BAZ1A: variants seen among roughly 807,000 people sequenced by gnomAD.
BAZ1A encodes bromodomain adjacent to zinc finger domain 1A, also known as bromodomain adjacent to zinc finger domain protein 1A.
Under a neutral mutation model 185.2 loss-of-function variants are expected in BAZ1A, and 50 were observed. The ratio of observed to expected loss-of-function variants is 0.27; its 90% CI spans 0.22 to 0.34. The LOEUF (loss-of-function observed/expected upper bound fraction) is 0.34, where lower values mean the gene tolerates loss of function less well. BAZ1A is among the 10% of genes least tolerant of loss of function. The pLI is 1.00. For synonymous variants in BAZ1A, 571 were observed against 615.6 expected, an observed-to-expected ratio of 0.93 and a Z score of 1.07; for missense variants, 1,356 against 1,839.9, an observed-to-expected ratio of 0.74 and a Z score of 4.81.
At chr14:34,844,373 T>C (rs1409880782) in intron 3 of BAZ1A, among the ~76,000 whole-genome samples, 3 of 152,098 alleles carry the variant, frequency 2.0e-5, no homozygotes, top group Non-Finnish European at 4.4e-5. Context: ...TGAAAGAAAT[T>C]GAAGACACAA....
chr14:34,783,449 C>G (rs1420058126), intron 15 of BAZ1A, among the ~76,000 whole-genome samples: 2 of 147,074 alleles, frequency 1.4e-5, no homozygotes, highest in African/African-American at 5.1e-5. Context: ...GATTCTCGTG[C>G]CTCAACCTCC....
rs143555906 is a variant in BAZ1A at position 34,780,283 on chromosome 14, A to G, written c.2139T>C (p.Thr713=). 197 of 1,612,722 alleles carry G rather than the reference A, an allele frequency of 1.2e-4. No individual in the cohort carries two copies. In the Middle Eastern group the frequency reaches 1.5e-3, roughly 12 times the overall value. Residue 713 remains threonine (T), a synonymous_variant, in exon 17 of 27, where the codon ACT becomes ACC. Coordinates refer to ENST00000360310, the MANE Select transcript of BAZ1A (RefSeq NM_013448.3). Reference sequence around the variant, plus strand: ...GCTCTGTGTCTTTGCTCTCAATGCTAGTATCAAAATCTTCCCTTTCTTCCT... The same window carrying G: ...GCTCTGTGTCTTTGCTCTCAATGCTGGTATCAAAATCTTCCCTTTCTTCCT... ...IGEEEREDFD[T]SIESKDTEQK... is the part of the protein sequence containing the mutation.
chr14:34,847,114 G>A (rs981350439), intron 3 of BAZ1A, among the ~76,000 whole-genome samples: 8 of 152,028 alleles, frequency 5.3e-5, no homozygotes, highest in South Asian at 4.1e-4. Flanking sequence ...GGCTGGACAC[G>A]GTGGCGCATG....
At chr14:34,774,554 G>T in intron 18 of BAZ1A, 64 bp from the exon 19 acceptor site, 1 of 1,368,888 alleles carries the variant, frequency 7.3e-7, no homozygotes, top group South Asian at 1.6e-5. Flanking sequence ...TACTCCATGT[G>T]GCTGTTATGA....
At chr14:34,844,423 T>A (rs1410597386) in intron 3 of BAZ1A, among the ~76,000 whole-genome samples, 1 of 152,042 alleles carries the variant, frequency 6.6e-6, no homozygotes, top group Non-Finnish European at 1.5e-5. Flanking sequence ...GAAGAGTTAA[T>A]ATTGTTAAAA....
Position 34,786,186 on chromosome 14 carries a change from T to C in BAZ1A, c.1546A>G (p.Thr516Ala). ...TEALDEDADPTKSALSAVASL... is the reference protein window; with the variant it reads ...TEALDEDADPAKSALSAVASL... ...GCAACTGCAGACAGTGCAGATTTTG[T>C]GGGGTCTGCATCTTCATCCAAAGCC... The change falls in exon 13 of 27, where the codon ACA (threonine) becomes GCA (alanine). Residue 516 changes from threonine (T) to alanine (A), a missense_variant. Transcript: ENST00000360310. 1 of 1,613,876 alleles carries C rather than the reference T, an allele frequency of 6.2e-7. No individual in the cohort carries two copies. Among genetic ancestry groups the C allele is most frequent in the Non-Finnish European group, 8.5e-7 (1 of 1,179,950 alleles).
At chr14:34,869,366 G>T (rs2042916598) in intron 2 of BAZ1A, among the ~76,000 whole-genome samples, 1 of 152,138 alleles carries the variant, frequency 6.6e-6, no homozygotes, top group South Asian at 2.1e-4. Context: ...GTATGGTAGA[G>T]AAACAATGTC....
intron 2 of BAZ1A, among the ~76,000 whole-genome samples, chr14:34,866,808 A>G (rs2042868431): frequency 6.6e-6 from 1 of 152,128 alleles, no homozygotes; most frequent in South Asian, 2.1e-4. Context: ...GCTAGTAGAA[A>G]TAGAATGGTT....
At chr14:34,856,419 G>T (rs1206526652) in intron 3 of BAZ1A, among the ~76,000 whole-genome samples, 1 of 151,714 alleles carries the variant, frequency 6.6e-6, no homozygotes, top group Non-Finnish European at 1.5e-5. Context: ...GAGTAGCTAG[G>T]ACTACAGGCA....
intron 3 of BAZ1A, among the ~76,000 whole-genome samples, chr14:34,829,430 T>C (rs1339784764): frequency 1.3e-5 from 2 of 152,108 alleles, no homozygotes; most frequent in African/African-American, 4.8e-5. Context: ...AAAAAGACCA[T>C]TTCATTGGCC....
At chr14:34,838,671 T>G (rs977107598) in intron 3 of BAZ1A, among the ~76,000 whole-genome samples, 4 of 151,782 alleles carry the variant, frequency 2.6e-5, no homozygotes, top group African/African-American at 9.7e-5. Context: ...ATTACAGGCG[T>G]CCACCTCCAC....
At chr14:34,823,187 C>G (rs1178551554) in intron 4 of BAZ1A, among the ~76,000 whole-genome samples, 1 of 151,480 alleles carries the variant, frequency 6.6e-6, no homozygotes, top group African/African-American at 2.4e-5. Context: ...AACCCACTCT[C>G]TACTAAAAAA....
At chr14:34,765,873 A>G (rs1485675654) in intron 21 of BAZ1A, among the ~76,000 whole-genome samples, 1 of 152,226 alleles carries the variant, frequency 6.6e-6, no homozygotes, top group Non-Finnish European at 1.5e-5. Context: ...TAGTCATTTT[A>G]TACTGGTGTG....
chr14:34,811,334 C>A (rs1036313111), intron 4 of BAZ1A, among the ~76,000 whole-genome samples: 1 of 152,180 alleles, frequency 6.6e-6, no homozygotes, highest in South Asian at 2.1e-4. Context: ...GTAGAGGTAG[C>A]GTTTCACCAT....
At chr14:34,861,792 C>T (rs563628739) in intron 3 of BAZ1A, among the ~76,000 whole-genome samples, 6 of 152,144 alleles carry the variant, frequency 3.9e-5, no homozygotes, top group South Asian at 2.1e-4. Flanking sequence ...AATTTGTGCA[C>T]GTTTGTTACA....
rs1273086001 is a variant in BAZ1A, at chr14:34,875,227, C to T, written c.-148G>A. 2 of 452,124 alleles carry T rather than the reference C, an allele frequency of 4.4e-6. No homozygotes were observed. Among genetic ancestry groups the T allele is most frequent in the Non-Finnish European group, 8.9e-6 (2 of 225,410 alleles). The allele number at this position is 452,124 out of a possible 1,614,324, so 28.0% of individuals were successfully genotyped here. A position where few individuals can be genotyped will look rare whatever the true frequency, so the allele number is the denominator to read the frequency against. On this transcript the variant is annotated 5_prime_UTR_variant, in exon 1 of 27. Coordinates refer to ENST00000360310, the MANE Select transcript of BAZ1A (RefSeq NM_013448.3). ...GTCCTCCCAGGGGACCGCCTCTCTCCGGCCCCGCCGCGCCCCTGGCTGCCG... is the reference window on the plus strand; with the variant it reads ...GTCCTCCCAGGGGACCGCCTCTCTCTGGCCCCGCCGCGCCCCTGGCTGCCG...
In BAZ1A at chr14:34,758,787, A is replaced by G. The variant is rs940482755; in HGVS notation, c.4303T>C (p.Leu1435=). The stretch of plus-strand genomic sequence containing the variant: ...ACAACAAGTTGTTCAAAAGCAGACA[A>G]TTCATGAACTCCTCCCTGTCGGCCA... The part of the protein sequence containing the change: ...SSGRQGGVHE[L]SAFEQLVVEL... Residue 1435 remains leucine (L), a synonymous_variant, in exon 25 of 27, where the codon TTG becomes CTG. Transcript: ENST00000360310. 6.2e-7 allele frequency: 1 copy of G among 1,614,182 alleles called. No homozygotes were observed. Among genetic ancestry groups the G allele is most frequent in the Admixed American group, 1.7e-5 (1 of 60,026 alleles).
chr14:34,821,227 CT>C (rs769239315), intron 4 of BAZ1A, among the ~76,000 whole-genome samples: 22 of 152,256 alleles, frequency 1.4e-4, no homozygotes, highest in Non-Finnish European at 2.9e-4. Context: ...CCATGTGATG[CT>C]GGGCAAATTT....
chr14:34,833,062 C>A (rs1277538861), intron 3 of BAZ1A, among the ~76,000 whole-genome samples: 1 of 151,962 alleles, frequency 6.6e-6, no homozygotes, highest in Non-Finnish European at 1.5e-5. Flanking sequence ...CAGAGTGAGA[C>A]CCCCAACTCT....
Sources: allele counts gnomAD v4.1 joint callset (sites outside exome capture counted in the v4.1 genomes callset), GRCh38; gene constraint gnomAD v4.1.1; transcripts MANE v1.5; gene names NCBI Gene and HGNC (gene_info 2026-07-23, HGNC 2026-07-21).